The following TRAPPC8 variants were observed in gnomAD, a reference collection of about 807,000 sequenced individuals.
TRAPPC8 encodes trafficking protein particle complex subunit 8.
A neutral mutation model predicts 174.3 loss-of-function variants in TRAPPC8; 54 were observed. The ratio of observed to expected loss-of-function variants is 0.31; its 90% CI spans 0.25 to 0.39. The LOEUF (loss-of-function observed/expected upper bound fraction) is 0.39. Ranked by LOEUF, TRAPPC8 falls within the 10% of genes least tolerant of loss-of-function variation. The pLI is 1.00. For missense variants in TRAPPC8, 1,531 were observed against 1,699.1 expected, an observed-to-expected ratio of 0.90 and a Z score of 1.74; for synonymous variants, 630 against 579.9, an observed-to-expected ratio of 1.09 and a Z score of -1.24.
chr18:31,890,274 C>T (rs1025265272), intron 12 of TRAPPC8, among the ~76,000 whole-genome samples: 1 of 152,146 alleles, frequency 6.6e-6, no homozygotes, highest in Non-Finnish European at 1.5e-5. Context: ...TCAGCTGCTT[C>T]AAGAGACAAC....
intron 2 of TRAPPC8, among the ~76,000 whole-genome samples, chr18:31,930,308 CG>C (rs1314567187): frequency 1.3e-5 from 2 of 151,762 alleles, no homozygotes; most frequent in African/African-American, 2.4e-5. Flanking sequence ...TTAGTAGAGA[CG>C]GGGTTTCACT....
In TRAPPC8 at chr18:31,900,960, C is replaced by T. The variant is rs1440632521; in HGVS notation, c.1455G>A (p.Met485Ile). 6.3e-7 allele frequency: 1 copy of T among 1,595,620 alleles called. No homozygotes were observed. The highest frequency in any genetic ancestry group is 1.2e-5 in the South Asian group (1 of 86,654). The change falls in exon 10 of 29, where the codon ATG (methionine) becomes ATA (isoleucine). Residue 485 changes from methionine to isoleucine, a missense_variant. Physicochemically the swap from Met to Ile is conservative, Grantham distance 10. Transcript: ENST00000283351. ...GAPRPYPAHY[M>I]DTAIQTYRDI... is the part of the protein sequence containing the mutation. Reference sequence around the variant, plus strand: ...CTCTGTATGTCTGAATTGCTGTATCCATGTAATGAGCAGGATATGGCCTAG... The same window carrying T: ...CTCTGTATGTCTGAATTGCTGTATCTATGTAATGAGCAGGATATGGCCTAG...
chr18:31,901,499 C>A (rs1295514754), intron 9 of TRAPPC8, among the ~76,000 whole-genome samples: 1 of 152,126 alleles, frequency 6.6e-6, no homozygotes. Context: ...CCTCTAATGA[C>A]CACTGTTTTG....
At chr18:31,868,887 A>G (rs1388338472) in intron 16 of TRAPPC8, among the ~76,000 whole-genome samples, 1 of 151,992 alleles carries the variant, frequency 6.6e-6, no homozygotes, top group Non-Finnish European at 1.5e-5. Context: ...ATTTTTGTAG[A>G]GATGGGGGTC....
At chr18:31,912,610 G>C (rs904628667) in intron 5 of TRAPPC8, among the ~76,000 whole-genome samples, 4 of 152,040 alleles carry the variant, frequency 2.6e-5, no homozygotes, top group African/African-American at 9.7e-5. Flanking sequence ...GCAGTGAGCT[G>C]AGATTGTGCC....
At chr18:31,916,195 A>G in intron 4 of TRAPPC8, 77 bp downstream of exon 4, 1 of 1,108,518 alleles carries the variant, frequency 9.0e-7, no homozygotes, top group African/African-American at 1.6e-5. Flanking sequence ...AATAAATCCA[A>G]AACGTAAACA....
chr18:31,892,010 C>G (rs916773941), intron 11 of TRAPPC8, among the ~76,000 whole-genome samples: 1 of 152,102 alleles, frequency 6.6e-6, no homozygotes, highest in Non-Finnish European at 1.5e-5. Flanking sequence ...GTAAAAAAGT[C>G]AGAAATATGT....
intron 16 of TRAPPC8, among the ~76,000 whole-genome samples, chr18:31,868,165 T>C (rs910156881): frequency 6.6e-6 from 1 of 152,166 alleles, no homozygotes; most frequent in Non-Finnish European, 1.5e-5. Flanking sequence ...TCTCTGGTCA[T>C]GTAGCAAAGC....
intron 10 of TRAPPC8, among the ~76,000 whole-genome samples, chr18:31,899,673 G>A (rs1001217305): frequency 2.0e-5 from 3 of 152,174 alleles, no homozygotes; most frequent in Non-Finnish European, 4.4e-5. Context: ...TGGGCCTGGC[G>A]CGGTGGCTCG....
chr18:31,838,366 T>G (rs2032893699), intron 27 of TRAPPC8, among the ~76,000 whole-genome samples: 1 of 152,218 alleles, frequency 6.6e-6, no homozygotes, highest in Non-Finnish European at 1.5e-5. Flanking sequence ...GAAGGTCCCT[T>G]CTTTAGCGCA....
intron 2 of TRAPPC8, among the ~76,000 whole-genome samples, chr18:31,929,058 T>A (rs992294790): frequency 1.3e-5 from 2 of 151,966 alleles, no homozygotes; most frequent in Non-Finnish European, 2.9e-5. Flanking sequence ...GGTGGGCACC[T>A]GTAATCCCAG....
intron 1 of TRAPPC8, among the ~76,000 whole-genome samples, chr18:31,934,950 AT>A (rs2038016911): frequency 4.8e-4 from 1 of 2,072 alleles, no homozygotes; most frequent in South Asian, 0.011. Flanking sequence ...GCTCCGTCTC[AT>A]AAATAAATAA....
chr18:31,938,720 G>A lies in TRAPPC8; in HGVS notation c.157+3888C>T, dbSNP rs79358443. On this transcript the variant is annotated intron_variant, in intron 1 of 28. Transcript: ENST00000283351. ...TTTTTCTCCCTCTAAGGAAATGTTAGCTGGTTTTAGTCAGTTGTATTCTTA... is the reference window on the plus strand; with the variant it reads ...TTTTTCTCCCTCTAAGGAAATGTTAACTGGTTTTAGTCAGTTGTATTCTTA... Among the ~76,000 whole-genome samples the A allele has an allele frequency of 5.5e-3, 831 of 152,234 alleles. 5 individuals carry two copies. The highest frequency in any genetic ancestry group is 0.019 in the African/African-American group (790 of 41,522).
chr18:31,920,019 CTCAG>C (rs1213337586), intron 2 of TRAPPC8, among the ~76,000 whole-genome samples: 3 of 152,268 alleles, frequency 2.0e-5, no homozygotes, highest in East Asian at 3.9e-4. Context: ...TTCTCCCCAA[CTCAG>C]TCAAAGTAAG....
At chr18:31,935,736 A>G (rs1184295351) in intron 1 of TRAPPC8, among the ~76,000 whole-genome samples, 1 of 146,608 alleles carries the variant, frequency 6.8e-6, no homozygotes, top group Non-Finnish European at 1.5e-5. Context: ...GAGAGACCCC[A>G]TTTCTTTTTT....
intron 1 of TRAPPC8, among the ~76,000 whole-genome samples, chr18:31,932,289 T>C (rs574356612): frequency 5.9e-5 from 9 of 152,048 alleles, no homozygotes; most frequent in Non-Finnish European, 8.8e-5. Context: ...TAGCTGGGTA[T>C]GGTGGCGGGT....
At chr18:31,858,056 C>CA in intron 19 of TRAPPC8, 74 bp from the exon 20 acceptor site, 2 of 1,203,658 alleles carry the variant, frequency 1.7e-6, no homozygotes, top group Non-Finnish European at 2.3e-6. Context: ...CACTTTAAGA[C>CA]ACTTTTTTTT....
chr18:31,842,298 T>C (rs541455323), intron 26 of TRAPPC8, among the ~76,000 whole-genome samples: 79 of 152,344 alleles, frequency 5.2e-4, no homozygotes, highest in Admixed American at 1.5e-3. Flanking sequence ...TTAATGTGGA[T>C]GAATGCCAAT....
In TRAPPC8 at chr18:31,919,533, AAAATAAATAAATAAATAAAT is replaced by A. The variant is rs200943530; in HGVS notation, c.353-1886_353-1867del. 7.1e-3 allele frequency among the ~76,000 whole-genome samples: 818 copies of A among 115,652 alleles called. 10 individuals carry two copies. The highest frequency in any genetic ancestry group is 8.3e-3 in the African/African-American group (239 of 28,846). 75.9% of individuals were successfully genotyped at this position (115,652 alleles called of 152,430 possible). On this transcript the variant is annotated intron_variant, in intron 2 of 28. Coordinates refer to ENST00000283351, the MANE Select transcript of TRAPPC8 (RefSeq NM_014939.5). ...GGGCAATAGAGTGAGACTCAGTCTC[AAAATAAATAAATAAATAAAT>A]AAATAAATAAATAAATAAATAAATA...
Sources: gnomAD v4.1 joint callset for allele counts (sites outside exome capture counted in the v4.1 genomes callset) on GRCh38, gnomAD v4.1.1 for gene constraint, MANE v1.5 for transcripts, NCBI Gene and HGNC (gene_info 2026-07-23, HGNC 2026-07-21) for gene names.